The following L3MBTL4 variants were observed in gnomAD, a reference collection of about 807,000 sequenced individuals.
L3MBTL4 encodes the protein L3MBTL histone methyl-lysine binding protein 4.
Under a neutral mutation model 84.5 loss-of-function variants are expected in L3MBTL4, and 70 were observed. The ratio of observed to expected loss-of-function variants is 0.83; its 90% CI spans 0.68 to 1.01. The LOEUF is 1.01. Ranked by LOEUF, L3MBTL4 falls within the 50% of genes least tolerant of loss-of-function variation. The pLI is 0.00. For missense variants in L3MBTL4, 715 were observed against 754.8 expected (o/e 0.95, Z 0.62); for synonymous variants, 274 against 259.8 (o/e 1.05, Z -0.52).
chr18:5,956,326 A>T lies in L3MBTL4; in HGVS notation c.1739T>A (p.Ile580Asn). 1 of 1,614,152 alleles carries T rather than the reference A, an allele frequency of 6.2e-7. No individual in the cohort carries two copies. Among genetic ancestry groups the T allele is most frequent in the Non-Finnish European group, 8.5e-7 (1 of 1,180,038 alleles). Residue 580 changes from isoleucine (I) to asparagine (N), a missense_variant, in exon 19 of 19, where the codon ATC (isoleucine) becomes AAC (asparagine). By Grantham distance (149) the Ile-to-Asn change is moderately radical. Coordinates refer to ENST00000317931, the MANE Select transcript of L3MBTL4 (RefSeq NM_001330559.2). Reference sequence around the variant, plus strand: ...AATCTTCAGTGCTGGGCCCAGTTTGATCTTCATCACTTTGACAATGTCCGT... The same window carrying T: ...AATCTTCAGTGCTGGGCCCAGTTTGTTCTTCATCACTTTGACAATGTCCGT... ...TQTDIVKVMKIKLGPALKIYN... is the reference protein window; with the variant it reads ...TQTDIVKVMKNKLGPALKIYN...
In L3MBTL4 at chr18:6,163,298, TGTGTGTGTGG is replaced by T. The variant is rs1413917738; in HGVS notation, c.1096+8520_1096+8529del. ...GTGTGTGTGTGTGTGTGTGTGTGTGTGTGTGTGTGGGTGGGTGTGTATTTTTGCTTTCACA... is the reference window on the plus strand; with the variant it reads ...GTGTGTGTGTGTGTGTGTGTGTGTGTGTGGGTGTGTATTTTTGCTTTCACA... On this transcript the variant is annotated intron_variant, in intron 13 of 18. Coordinates refer to ENST00000317931, the MANE Select transcript of L3MBTL4 (RefSeq NM_001330559.2). Among the ~76,000 whole-genome samples, 81 of 126,116 alleles carry T rather than the reference TGTGTGTGTGG, an allele frequency of 6.4e-4. 1 individual carries two copies. The highest frequency in any genetic ancestry group is 3.7e-3 in the Middle Eastern group (1 of 272). 82.7% of individuals were successfully genotyped at this position (126,116 alleles called of 152,430 possible).
intron 16 of L3MBTL4, among the ~76,000 whole-genome samples, chr18:6,062,131 G>A (rs190959320): frequency 1.1e-3 from 163 of 151,968 alleles, no homozygotes; most frequent in African/African-American, 3.8e-3. Context: ...CTTCTCTCTG[G>A]AAAACTTATT....
At chr18:6,254,650 A>G (rs900566756) in intron 5 of L3MBTL4, among the ~76,000 whole-genome samples, 1 of 152,184 alleles carries the variant, frequency 6.6e-6, no homozygotes, top group African/African-American at 2.4e-5. Flanking sequence ...AGCAAGAGGC[A>G]TTCTTCAAAT....
At chr18:6,058,261 G>A (rs545571192) in intron 16 of L3MBTL4, among the ~76,000 whole-genome samples, 1 of 152,276 alleles carries the variant, frequency 6.6e-6, no homozygotes, top group South Asian at 2.1e-4. Context: ...TTTGTCTGAA[G>A]GTTTTTAAGA....
intron 4 of L3MBTL4, among the ~76,000 whole-genome samples, chr18:6,290,727 C>G (rs2049825387): frequency 1.3e-5 from 2 of 151,904 alleles, no homozygotes; most frequent in Non-Finnish European, 2.9e-5. Context: ...AGGGTTTCAT[C>G]ATGTTGGCCA....
chr18:6,285,149 C>G (rs2049511927), intron 4 of L3MBTL4, among the ~76,000 whole-genome samples: 1 of 152,202 alleles, frequency 6.6e-6, no homozygotes, highest in Non-Finnish European at 1.5e-5. Context: ...TCTGCCAGCT[C>G]TTGGAGCAAA....
At chr18:6,408,022 C>G (rs753810892) in intron 1 of L3MBTL4, among the ~76,000 whole-genome samples, 2 of 152,050 alleles carry the variant, frequency 1.3e-5, no homozygotes, top group African/African-American at 2.4e-5. Context: ...ACCATCCCCT[C>G]CAAACACACA....
intron 3 of L3MBTL4, among the ~76,000 whole-genome samples, chr18:6,309,214 C>T (rs1366712552): frequency 6.6e-6 from 1 of 152,148 alleles, no homozygotes; most frequent in African/African-American, 2.4e-5. Context: ...AGGAGTCTAG[C>T]AAAATTCAAG....
intron 15 of L3MBTL4, 75 bp from the exon 16 acceptor site, chr18:6,081,026 T>C (rs751180267): frequency 1.1e-5 from 12 of 1,098,374 alleles, no homozygotes; most frequent in African/African-American, 3.1e-5. Context: ...GCAGCACAAA[T>C]TTAAATAGAA....
intron 13 of L3MBTL4, among the ~76,000 whole-genome samples, chr18:6,164,424 A>AC (rs939817882): frequency 2.0e-5 from 3 of 151,998 alleles, no homozygotes; most frequent in Non-Finnish European, 4.4e-5. Flanking sequence ...ACTGGGAGGC[A>AC]CCCCCCGCTA....
intron 14 of L3MBTL4, among the ~76,000 whole-genome samples, chr18:6,118,534 T>C (rs2059428005): frequency 6.6e-6 from 1 of 152,200 alleles, no homozygotes; most frequent in South Asian, 2.1e-4. Flanking sequence ...GGGCATTCAA[T>C]ACATGCTTGT....
At chr18:6,064,824 C>T (rs1158234033) in intron 16 of L3MBTL4, among the ~76,000 whole-genome samples, 1 of 151,812 alleles carries the variant, frequency 6.6e-6, no homozygotes, top group East Asian at 1.9e-4. Flanking sequence ...TTCTTTTCCA[C>T]TTCAGATGCT....
chr18:6,291,647 T>C (rs1392736127), intron 4 of L3MBTL4, among the ~76,000 whole-genome samples: 3 of 152,166 alleles, frequency 2.0e-5, no homozygotes, highest in Non-Finnish European at 4.4e-5. Context: ...GATATCCATA[T>C]GCAGAGGAAT....
intron 12 of L3MBTL4, among the ~76,000 whole-genome samples, chr18:6,191,721 G>A (rs1358344335): frequency 6.6e-6 from 1 of 152,142 alleles, no homozygotes; most frequent in Non-Finnish European, 1.5e-5. Context: ...AGGTGCAGTG[G>A]TTCACACTTA....
At chr18:6,195,532 G>A (rs112000566) in intron 12 of L3MBTL4, among the ~76,000 whole-genome samples, 218 of 152,310 alleles carry the variant, frequency 1.4e-3, no homozygotes, top group African/African-American at 5.2e-3. Context: ...ACTGGCATAA[G>A]TTATTCCCCT....
intron 4 of L3MBTL4, among the ~76,000 whole-genome samples, chr18:6,270,065 A>C (rs893152376): frequency 1.3e-5 from 2 of 152,202 alleles, no homozygotes; most frequent in African/African-American, 2.4e-5. Flanking sequence ...TCATCAGGAA[A>C]TGCCTTAGAA....
chr18:6,351,144 C>A (rs985055663), intron 1 of L3MBTL4, among the ~76,000 whole-genome samples: 3 of 151,890 alleles, frequency 2.0e-5, no homozygotes, highest in African/African-American at 4.9e-5. Flanking sequence ...TGCAGTGAGC[C>A]AAAATCACGC....
At chr18:6,400,303 C>T (rs929902567) in intron 1 of L3MBTL4, among the ~76,000 whole-genome samples, 1 of 152,190 alleles carries the variant, frequency 6.6e-6, no homozygotes, top group African/African-American at 2.4e-5. Flanking sequence ...TGCACTTTGC[C>T]TGGGTGTTTT....
rs1336821412 is a variant in L3MBTL4 at position 6,191,951 on chromosome 18, C to T, written c.982-20009G>A. On this transcript the variant is annotated intron_variant, in intron 12 of 18. Transcript: ENST00000317931. ...GCTGCAGTGAGCTAGGTTTGCACTA[C>T]TGCACTGCAGCCTGGGTGATAGAGC... Among the ~76,000 whole-genome samples, 4 of 151,566 alleles carry T rather than the reference C, an allele frequency of 2.6e-5. No homozygotes were observed. The South Asian group carries it at 8.3e-4, about 32-fold the overall frequency.
Sources: allele counts gnomAD v4.1 joint callset (sites outside exome capture counted in the v4.1 genomes callset), GRCh38; gene constraint gnomAD v4.1.1; transcripts MANE v1.5; gene names NCBI Gene and HGNC (gene_info 2026-07-23, HGNC 2026-07-21).